The following LRRC4C variants were observed in gnomAD, a reference collection of about 807,000 sequenced individuals.
LRRC4C encodes the protein leucine-rich repeat-containing protein 4C.
A neutral mutation model predicts 33.6 loss-of-function variants in LRRC4C; 5 were observed. The ratio of observed to expected loss-of-function variants is 0.15; its 90% CI spans 0.08 to 0.31. The LOEUF is 0.31. LRRC4C is among the 10% of genes least tolerant of loss of function. LRRC4C has a pLI of 1.00. For missense variants in LRRC4C, 560 were observed against 796.7 expected (o/e 0.70, Z 3.58); for synonymous variants, 329 against 302.0 (o/e 1.09, Z -0.93).
intron 3 of LRRC4C, among the ~76,000 whole-genome samples, chr11:40,527,242 A>G (rs908705084): frequency 6.6e-6 from 1 of 152,106 alleles, no homozygotes; most frequent in South Asian, 2.1e-4. Context: ...CAAGCTATTC[A>G]CCTATGTTTG....
chr11:40,624,255 G>A (rs1021543501), intron 3 of LRRC4C, among the ~76,000 whole-genome samples: 2 of 152,056 alleles, frequency 1.3e-5, no homozygotes, highest in African/African-American at 4.8e-5. Context: ...GATTAATTTA[G>A]TGATGCAGAA....
chr11:40,545,638 A>T (rs1049837664), intron 3 of LRRC4C, among the ~76,000 whole-genome samples: 7 of 151,980 alleles, frequency 4.6e-5, no homozygotes, highest in African/African-American at 1.7e-4. Context: ...TAAAGCACAT[A>T]TTAAGTATAA....
rs545853981 is a variant in LRRC4C, at chr11:41,442,203, C to T, written c.-496+17228G>A. Among the ~76,000 whole-genome samples the T allele has an allele frequency of 4.0e-4, 60 of 151,746 alleles. No homozygotes were observed. In the Middle Eastern group the frequency reaches 0.017, roughly 43 times the overall value. On this transcript the variant is annotated intron_variant, in intron 1 of 6. Transcript: ENST00000528697. ...GTGCATACTGCATTTTTCATATTTC[C>T]TTAGGATAAATTTCTAGAACAGGAT...
intron 1 of LRRC4C, among the ~76,000 whole-genome samples, chr11:41,228,411 C>T (rs1947637663): frequency 6.6e-6 from 1 of 151,990 alleles, no homozygotes; most frequent in Admixed American, 6.6e-5. Context: ...AATTATTTTC[C>T]ATCCACTCTT....
At chr11:41,178,363 T>C (rs1049554559) in intron 1 of LRRC4C, among the ~76,000 whole-genome samples, 3 of 152,160 alleles carry the variant, frequency 2.0e-5, no homozygotes, top group Non-Finnish European at 2.9e-5. Flanking sequence ...TATGTTGTTG[T>C]TGTTTTTTAT....
At chr11:40,613,247 A>T (rs933030655) in intron 3 of LRRC4C, among the ~76,000 whole-genome samples, 1 of 151,866 alleles carries the variant, frequency 6.6e-6, no homozygotes, top group Non-Finnish European at 1.5e-5. Flanking sequence ...AACTTATGTG[A>T]CTATTGGAGT....
intron 2 of LRRC4C, among the ~76,000 whole-genome samples, chr11:40,846,708 G>A (rs1471590763): frequency 6.6e-6 from 1 of 152,130 alleles, no homozygotes; most frequent in Non-Finnish European, 1.5e-5. Flanking sequence ...GTCAATGTTA[G>A]CGTGATGGGA....
intron 1 of LRRC4C, among the ~76,000 whole-genome samples, chr11:41,396,716 C>G (rs1208120948): frequency 6.6e-6 from 1 of 151,948 alleles, no homozygotes; most frequent in Non-Finnish European, 1.5e-5. Context: ...AGTATTAAGA[C>G]TAGTTCCTAA....
intron 1 of LRRC4C, among the ~76,000 whole-genome samples, chr11:41,131,134 T>C (rs1409845158): frequency 6.6e-6 from 1 of 152,042 alleles, no homozygotes; most frequent in East Asian, 1.9e-4. Context: ...GAGTTTAGTA[T>C]GTCATAAGCA....
intron 4 of LRRC4C, among the ~76,000 whole-genome samples, chr11:40,260,927 C>T (rs773331777): frequency 1.3e-5 from 2 of 152,250 alleles, no homozygotes; most frequent in Admixed American, 6.5e-5. Context: ...GTCACCCAGG[C>T]TGGAGTGCAG....
intron 1 of LRRC4C, among the ~76,000 whole-genome samples, chr11:41,200,236 G>T (rs1257996837): frequency 6.6e-6 from 1 of 152,120 alleles, no homozygotes. Flanking sequence ...CAAAACAATG[G>T]TGACAGCAGG....
chr11:40,164,808 A>G (rs959904382), intron 5 of LRRC4C, among the ~76,000 whole-genome samples: 1 of 152,122 alleles, frequency 6.6e-6, no homozygotes, highest in Non-Finnish European at 1.5e-5. Context: ...AATCCTAAAT[A>G]CCCTGATTTG....
chr11:41,190,803 G>A (rs965620741), intron 1 of LRRC4C, among the ~76,000 whole-genome samples: 4 of 152,078 alleles, frequency 2.6e-5, no homozygotes, highest in African/African-American at 9.7e-5. Context: ...GATGATGAAA[G>A]CCCTTTCAGA....
chr11:41,362,587 A>G (rs993117779), intron 1 of LRRC4C, among the ~76,000 whole-genome samples: 5 of 152,112 alleles, frequency 3.3e-5, no homozygotes, highest in African/African-American at 1.2e-4. Context: ...TGAGTGATAT[A>G]TTAGTTTTCT....
chr11:40,125,928 C>T (rs1481620851), intron 6 of LRRC4C, among the ~76,000 whole-genome samples: 2 of 152,100 alleles, frequency 1.3e-5, no homozygotes, highest in African/African-American at 4.8e-5. Flanking sequence ...AAATCTTGAG[C>T]TTTCTCCACC....
intron 2 of LRRC4C, among the ~76,000 whole-genome samples, chr11:40,850,554 A>C (rs925261272): frequency 7.9e-5 from 12 of 152,252 alleles, no homozygotes; most frequent in Middle Eastern, 3.4e-3. Flanking sequence ...TGTATGAGAT[A>C]TCTGTCGACC....
chr11:41,382,501 C>A (rs987062081), intron 1 of LRRC4C, among the ~76,000 whole-genome samples: 5 of 151,922 alleles, frequency 3.3e-5, no homozygotes, highest in Non-Finnish European at 7.4e-5. Context: ...ATTATATAAG[C>A]TAAAATATTG....
At chr11:40,425,019 T>A (rs1202617385) in intron 3 of LRRC4C, among the ~76,000 whole-genome samples, 1 of 152,166 alleles carries the variant, frequency 6.6e-6, no homozygotes, top group Non-Finnish European at 1.5e-5. Flanking sequence ...TAGAGAGAAG[T>A]ACAGAATTCA....
intron 3 of LRRC4C, among the ~76,000 whole-genome samples, chr11:40,481,808 A>G (rs1953584898): frequency 6.6e-6 from 1 of 152,156 alleles, no homozygotes; most frequent in Non-Finnish European, 1.5e-5. Flanking sequence ...TTTTCAAAGA[A>G]TTGAGATATC....
Sources: allele counts gnomAD v4.1 joint callset (sites outside exome capture counted in the v4.1 genomes callset), GRCh38; gene constraint gnomAD v4.1.1; transcripts MANE v1.5; gene names NCBI Gene and HGNC (gene_info 2026-07-23, HGNC 2026-07-21).